The following BAZ1A variants were observed in gnomAD, a reference collection of about 807,000 sequenced individuals.
The protein encoded by BAZ1A is bromodomain adjacent to zinc finger domain 1A.
A neutral mutation model predicts 185.2 loss-of-function variants in BAZ1A; 50 were observed. The ratio of observed to expected loss-of-function variants is 0.27; its 90% CI spans 0.22 to 0.34. The LOEUF (loss-of-function observed/expected upper bound fraction) is 0.34. Among genes scored for constraint, BAZ1A ranks in the 10% least tolerant of loss-of-function variants. BAZ1A has a pLI of 1.00. For missense variants in BAZ1A, 1,356 were observed against 1,839.9 expected, an observed-to-expected ratio of 0.74 and a Z score of 4.81; for synonymous variants, 571 against 615.6, an observed-to-expected ratio of 0.93 and a Z score of 1.07.
At chr14:34,856,442 C>G (rs760113091) in intron 3 of BAZ1A, among the ~76,000 whole-genome samples, 2 of 152,092 alleles carry the variant, frequency 1.3e-5, no homozygotes, top group African/African-American at 2.4e-5. Flanking sequence ...TGCCATCATG[C>G]CTGGCTTTTT....
At chr14:34,784,497 T>C (rs1039617904) in intron 14 of BAZ1A, among the ~76,000 whole-genome samples, 1 of 151,912 alleles carries the variant, frequency 6.6e-6, no homozygotes, top group Admixed American at 6.6e-5. Flanking sequence ...TAATTACAAA[T>C]TGGTTTTCAA....
chr14:34,768,237 A>T (rs1485572597), intron 21 of BAZ1A, among the ~76,000 whole-genome samples: 1 of 152,116 alleles, frequency 6.6e-6, no homozygotes, highest in African/African-American at 2.4e-5. Context: ...ATAGTGGGAG[A>T]CTTCATACTG....
chr14:34,872,809 G>A (rs1172015499), intron 2 of BAZ1A, among the ~76,000 whole-genome samples: 1 of 150,226 alleles, frequency 6.7e-6, no homozygotes, highest in Non-Finnish European at 1.5e-5. Context: ...CTGCTTACGT[G>A]GAAGGAGAAA....
chr14:34,795,813 G>T, intron 9 of BAZ1A, 48 bp from the exon 10 acceptor site: 2 of 1,362,580 alleles, frequency 1.5e-6, no homozygotes, highest in South Asian at 1.2e-5. Flanking sequence ...AAATTTATAT[G>T]GCAGCATCGG....
At position 34,785,787 on chromosome 14, in the gene BAZ1A, A is replaced by G. The variant is rs1236313107; in HGVS notation, c.1821T>C (p.Asp607=). Reference sequence around the variant, plus strand: ...ACTTGCAAAGCTTACCTGGTGTCAAATCATACACTGAGGTGCTTGACAGTT... The same window carrying G: ...ACTTGCAAAGCTTACCTGGTGTCAAGTCATACACTGAGGTGCTTGACAGTT... ...VKKLSSTSVY[D]LTPGEKMKIL... The change falls in exon 14 of 27, where the codon GAT becomes GAC. Residue 607 remains aspartate (D), a synonymous_variant. Transcript: ENST00000360310. 1 of 1,613,924 alleles carries G rather than the reference A, an allele frequency of 6.2e-7. No homozygotes were observed. The highest frequency in any genetic ancestry group is 1.1e-5 in the South Asian group (1 of 91,080).
intron 3 of BAZ1A, among the ~76,000 whole-genome samples, chr14:34,841,656 G>C (rs924560712): frequency 3.3e-5 from 5 of 152,164 alleles, no homozygotes; most frequent in Non-Finnish European, 7.3e-5. Flanking sequence ...AAAGTGCTGG[G>C]ATTACAGGTG....
intron 21 of BAZ1A, among the ~76,000 whole-genome samples, chr14:34,766,907 G>C (rs749055105): frequency 6.6e-6 from 1 of 152,122 alleles, no homozygotes; most frequent in Non-Finnish European, 1.5e-5. Context: ...ATTAGAAACA[G>C]AATATAAAAT....
rs140326712 is a variant in BAZ1A at position 34,771,309 on chromosome 14, C to A, written c.3301+202G>T. ...CCACTGTGCCTAGCTGGTAATCTTTCTTTTGATGAAACTCTTCACAAAAGA... is the reference window on the plus strand; with the variant it reads ...CCACTGTGCCTAGCTGGTAATCTTTATTTTGATGAAACTCTTCACAAAAGA... On this transcript the variant is annotated intron_variant, in intron 21 of 26. Coordinates refer to ENST00000360310, the MANE Select transcript of BAZ1A (RefSeq NM_013448.3). The A allele has an allele frequency of 1.3e-3, 692 of 537,924 alleles. 1 individual carries two copies. The highest frequency in any genetic ancestry group is 5.8e-3 in the African/African-American group (301 of 51,624). 33.3% of individuals were successfully genotyped at this position (537,924 alleles called of 1,614,324 possible).
At chr14:34,865,155 G>A (rs1244939791) in intron 2 of BAZ1A, among the ~76,000 whole-genome samples, 1 of 152,102 alleles carries the variant, frequency 6.6e-6, no homozygotes, top group Non-Finnish European at 1.5e-5. Context: ...GGCCGAGGCA[G>A]GAGAATCGCT....
intron 24 of BAZ1A, among the ~76,000 whole-genome samples, chr14:34,759,194 T>TTTG (rs1886415601): frequency 8.8e-6 from 1 of 114,144 alleles, no homozygotes. Flanking sequence ...TTTTTTTTTT[T>TTTG]TTTTGAGATG....
chr14:34,813,999 C>G (rs2041968491), intron 4 of BAZ1A, among the ~76,000 whole-genome samples: 1 of 148,578 alleles, frequency 6.7e-6, no homozygotes, highest in Admixed American at 6.8e-5. Flanking sequence ...GCCGAGGTCG[C>G]ACCACTGTAC....
At chr14:34,774,193 T>C (rs1463084865) in intron 19 of BAZ1A, 134 bp downstream of exon 19, 1 of 665,434 alleles carries the variant, frequency 1.5e-6, no homozygotes, top group Non-Finnish European at 2.3e-6. Context: ...AACTTAAGTT[T>C]TCATAAAAAA....
chr14:34,872,936 A>AAC (rs2042974177), intron 2 of BAZ1A, among the ~76,000 whole-genome samples: 1 of 133,100 alleles, frequency 7.5e-6, no homozygotes, highest in Non-Finnish European at 1.7e-5. Flanking sequence ...AAAAAAAAAA[A>AAC]AAAAACTTGT....
At chr14:34,863,540 T>C (rs921824386) in intron 2 of BAZ1A, among the ~76,000 whole-genome samples, 1 of 151,364 alleles carries the variant, frequency 6.6e-6, no homozygotes, top group Non-Finnish European at 1.5e-5. Context: ...ACTCTTGACC[T>C]TGTGATCCAC....
intron 3 of BAZ1A, among the ~76,000 whole-genome samples, chr14:34,853,146 C>T (rs1007590104): frequency 5.9e-5 from 9 of 152,052 alleles, no homozygotes; most frequent in African/African-American, 2.2e-4. Flanking sequence ...AGACACAAAA[C>T]ATCTGGTAAG....
chr14:34,757,502 T>C (rs1400887753), intron 25 of BAZ1A, among the ~76,000 whole-genome samples: 1 of 150,224 alleles, frequency 6.7e-6, no homozygotes, highest in African/African-American at 2.5e-5. Context: ...CTGTCGCTAA[T>C]AAAAATACAA....
At chr14:34,789,804 T>C (rs1371799808) in intron 12 of BAZ1A, among the ~76,000 whole-genome samples, 1 of 152,206 alleles carries the variant, frequency 6.6e-6, no homozygotes, top group East Asian at 1.9e-4. Flanking sequence ...TTACAGGCAA[T>C]GCCAGAGAAA....
intron 4 of BAZ1A, among the ~76,000 whole-genome samples, chr14:34,819,124 G>A (rs1400301184): frequency 5.5e-5 from 6 of 109,638 alleles, no homozygotes; most frequent in African/African-American, 2.3e-4. Context: ...CTGGGCGACA[G>A]AGCAAGACTC....
intron 3 of BAZ1A, 49 bp downstream of exon 3, chr14:34,861,995 A>T (rs1452064663): frequency 6.4e-7 from 1 of 1,572,840 alleles, no homozygotes; most frequent in Non-Finnish European, 8.7e-7. Flanking sequence ...TTGGATTTTG[A>T]GCAATGTGAA....
Sources: gnomAD v4.1 joint callset for allele counts (sites outside exome capture counted in the v4.1 genomes callset) on GRCh38, gnomAD v4.1.1 for gene constraint, MANE v1.5 for transcripts, NCBI Gene and HGNC (gene_info 2026-07-23, HGNC 2026-07-21) for gene names.